WNT7B: variants seen among roughly 807,000 people sequenced by gnomAD.
The protein encoded by WNT7B is protein Wnt-7b.
WNT7B carries 19 observed loss-of-function variants against 38.2 expected under a neutral mutation model. That is an observed-to-expected ratio of 0.50 (90% CI 0.35 to 0.73). The LOEUF (loss-of-function observed/expected upper bound fraction) is 0.73. Ranked by LOEUF, WNT7B falls within the 30% of genes least tolerant of loss-of-function variation. WNT7B has a pLI of 0.01. For missense variants in WNT7B, 423 were observed against 507.9 expected (o/e 0.83, Z 1.61); for synonymous variants, 243 against 209.3 (o/e 1.16, Z -1.39).
chr22:45,930,528 C>T (rs983905535), intron 3 of WNT7B, among the ~76,000 whole-genome samples: 2 of 152,224 alleles, frequency 1.3e-5, no homozygotes, highest in South Asian at 2.1e-4. Context: ...GCTCTGACTT[C>T]TTCCCCGGTG....
Position 45,922,465 on chromosome 22 carries a change from C to T in WNT7B, c.*391G>A. 5.0e-6 allele frequency: 1 copy of T among 201,968 alleles called. No individual in the cohort carries two copies. Among genetic ancestry groups the T allele is most frequent in the Non-Finnish European group, 1.0e-5 (1 of 99,916 alleles). The allele number at this position is 201,968 out of a possible 1,614,324, so 12.5% of individuals were successfully genotyped here. ...GCCAGCCGGCGTAGCTTTTCTGTGT[C>T]CATGCCGCCAGGTGGGGCTGGGGAC... is the stretch of plus-strand genomic sequence containing the variant. On this transcript the variant is annotated 3_prime_UTR_variant, in exon 4 of 4. Transcript: ENST00000339464.
chr22:45,926,771 G>A (rs1339960981), intron 3 of WNT7B: 2 of 985,274 alleles, frequency 2.0e-6, no homozygotes, highest in African/African-American at 1.7e-5. Flanking sequence ...CTGACCACGA[G>A]CCCACAGAGT....
intron 3 of WNT7B, chr22:45,927,579 A>C (rs1931128337): frequency 9.2e-7 from 1 of 1,087,868 alleles, no homozygotes; most frequent in African/African-American, 1.6e-5. Flanking sequence ...TAGGCCCTAA[A>C]TCCAATGAGA....
chr22:45,920,659 A>C lies in WNT7B; in HGVS notation c.*2197T>G. The C allele has an allele frequency of 1.2e-5, 1 of 86,048 alleles. No homozygotes were observed. Among genetic ancestry groups the C allele is most frequent in the Admixed American group, 1.4e-4 (1 of 6,982 alleles). 5.3% of individuals were successfully genotyped at this position (86,048 alleles called of 1,614,324 possible). A position where few individuals can be genotyped will look rare whatever the true frequency, so the allele number is the denominator to read the frequency against. On this transcript the variant is annotated 3_prime_UTR_variant, in exon 4 of 4. Transcript: ENST00000339464. ...ATGGGGGATGGGATGGGGGGTGGGTATGGGGAATAGGGATGAGGGATGGGA... is the reference window on the plus strand; with the variant it reads ...ATGGGGGATGGGATGGGGGGTGGGTCTGGGGAATAGGGATGAGGGATGGGA...
chr22:45,937,326 C>G (rs988728555), intron 2 of WNT7B, among the ~76,000 whole-genome samples: 2 of 152,336 alleles, frequency 1.3e-5, no homozygotes, highest in East Asian at 3.9e-4. Flanking sequence ...AGTCTGACAC[C>G]CTGCCTTCAA....
At chr22:45,923,623 GCC>G (rs1235450070) in intron 3 of WNT7B, among the ~76,000 whole-genome samples, 2 of 152,222 alleles carry the variant, frequency 1.3e-5, no homozygotes, top group Admixed American at 1.3e-4. Context: ...GACTCTCACA[GCC>G]CTTCAAGGAG....
intron 2 of WNT7B, among the ~76,000 whole-genome samples, chr22:45,943,653 G>T (rs1931724495): frequency 6.6e-6 from 1 of 152,134 alleles, no homozygotes; most frequent in African/African-American, 2.4e-5. Flanking sequence ...CTGAGAGCCT[G>T]CGGGCTTCTC....
chr22:45,935,372 G>A (rs1041082896), intron 2 of WNT7B, among the ~76,000 whole-genome samples: 10 of 152,208 alleles, frequency 6.6e-5, no homozygotes, highest in Admixed American at 1.3e-4. Flanking sequence ...GCAGCCCAGC[G>A]TGGCCTGCCT....
intron 2 of WNT7B, among the ~76,000 whole-genome samples, chr22:45,942,055 C>G (rs1326495508): frequency 6.6e-6 from 1 of 152,144 alleles, no homozygotes; most frequent in African/African-American, 2.4e-5. Context: ...CCCCCTACCC[C>G]ACCTGATTCC....
chr22:45,957,171 G>A (rs1932086127), intron 1 of WNT7B, among the ~76,000 whole-genome samples: 1 of 151,096 alleles, frequency 6.6e-6, no homozygotes, highest in South Asian at 2.1e-4. Flanking sequence ...AATCACAATA[G>A]TTACCCTTGG....
intron 1 of WNT7B, among the ~76,000 whole-genome samples, chr22:45,971,400 A>G (rs1932434826): frequency 6.6e-6 from 1 of 152,232 alleles, no homozygotes; most frequent in Non-Finnish European, 1.5e-5. Context: ...CGGCGAAGCC[A>G]CCACTGCGCG....
In WNT7B at chr22:45,949,858, T is replaced by C. The variant is rs1020580727; in HGVS notation, c.298+62A>G. On this transcript the variant is annotated intron_variant, in intron 2 of 3. Transcript: ENST00000339464. ...GCGGCCTAGGCTGGCCTTCAGTGGG[T>C]GGCCTGGCCTACTGCCCCTGGCCAC... 17 of 1,515,182 alleles carry C rather than the reference T, an allele frequency of 1.1e-5. No homozygotes were observed. The Middle Eastern group carries it at 5.3e-4, about 48-fold the overall frequency. 93.9% of individuals were successfully genotyped at this position (1,515,182 alleles called of 1,614,324 possible). A position where few individuals can be genotyped will look rare whatever the true frequency, so the allele number is the denominator to read the frequency against.
intron 1 of WNT7B, among the ~76,000 whole-genome samples, chr22:45,971,844 G>A (rs1051674019): frequency 2.0e-5 from 3 of 152,184 alleles, no homozygotes; most frequent in Admixed American, 6.5e-5. Flanking sequence ...TCTCGGCGCC[G>A]CTCGCGTGCC....
rs1232705726 is a variant in WNT7B, at chr22:45,950,086, T to G, written c.132A>C (p.Leu44=). ...GGCAGATGGCACGCTGCCGCGGGGC[T>G]AGGCCAGGAATCTTGTTGCAGATGA... ...ANIICNKIPG[L]APRQRAICQS... is the part of the protein sequence containing the mutation. Residue 44 remains leucine, a synonymous_variant, in exon 2 of 4, where the codon CTA becomes CTC. Transcript: ENST00000339464. 1.9e-6 allele frequency: 3 copies of G among 1,614,042 alleles called. No homozygotes were observed. Among genetic ancestry groups the G allele is most frequent in the Non-Finnish European group, 2.5e-6 (3 of 1,180,036 alleles).
chr22:45,923,901 C>T (rs993962416), intron 3 of WNT7B, among the ~76,000 whole-genome samples: 6 of 152,194 alleles, frequency 3.9e-5, no homozygotes, highest in African/African-American at 1.4e-4. Flanking sequence ...GAGGCGAGTA[C>T]ACGGATCAGC....
intron 2 of WNT7B, among the ~76,000 whole-genome samples, chr22:45,932,812 G>A (rs1357475945): frequency 6.6e-6 from 1 of 152,226 alleles, no homozygotes; most frequent in Non-Finnish European, 1.5e-5. Flanking sequence ...CTCAGCCCAG[G>A]AGAGGGCAGC....
intron 2 of WNT7B, among the ~76,000 whole-genome samples, chr22:45,931,604 T>A (rs531317996): frequency 1.5e-5 from 2 of 135,492 alleles, no homozygotes; most frequent in South Asian, 5.0e-4. Context: ...ACCCTGTGAG[T>A]GCCTGGTACA....
chr22:45,953,832 T>C (rs1043638408), intron 1 of WNT7B, among the ~76,000 whole-genome samples: 5 of 152,100 alleles, frequency 3.3e-5, no homozygotes, highest in Non-Finnish European at 7.3e-5. Context: ...GACAATGGTA[T>C]AGCCACTGTA....
intron 3 of WNT7B, chr22:45,927,086 G>A (rs957855623): frequency 6.1e-6 from 6 of 985,188 alleles, no homozygotes; most frequent in Non-Finnish European, 7.2e-6. Flanking sequence ...CCAGGCCTCT[G>A]CAGATGGACA....
Sources: allele counts gnomAD v4.1 joint callset (sites outside exome capture counted in the v4.1 genomes callset), GRCh38; gene constraint gnomAD v4.1.1; transcripts MANE v1.5; gene names NCBI Gene and HGNC (gene_info 2026-07-23, HGNC 2026-07-21).